HCRTR2: variants seen among roughly 807,000 people sequenced by gnomAD.
HCRTR2 encodes hypocretin receptor 2, also known as orexin receptor type 2.
A neutral mutation model predicts 49.0 loss-of-function variants in HCRTR2; 22 were observed. That is an observed-to-expected ratio of 0.45 (90% CI 0.32 to 0.64). The LOEUF is 0.64. Ranked by LOEUF, HCRTR2 falls within the 30% of genes least tolerant of loss-of-function variation. The pLI, the probability that HCRTR2 is intolerant of heterozygous loss-of-function variation, is 0.04. For synonymous variants in HCRTR2, 236 were observed against 205.3 expected, an observed-to-expected ratio of 1.15 and a Z score of -1.28; for missense variants, 491 against 559.4, an observed-to-expected ratio of 0.88 and a Z score of 1.23.
At chr6:55,114,474 G>A (rs1764090701) in intron 1 of HCRTR2, among the ~76,000 whole-genome samples, 1 of 151,572 alleles carries the variant, frequency 6.6e-6, no homozygotes, top group African/African-American at 2.4e-5. Flanking sequence ...CTGTTTCCCT[G>A]AGCTGAGTAC....
At chr6:55,263,300 G>C (rs957528921) in intron 3 of HCRTR2, among the ~76,000 whole-genome samples, 23 of 151,922 alleles carry the variant, frequency 1.5e-4, no homozygotes, top group African/African-American at 5.3e-4. Flanking sequence ...TTTAACCAAA[G>C]CATTAGTTTT....
At chr6:55,196,034 T>G (rs185893912) in intron 1 of HCRTR2, among the ~76,000 whole-genome samples, 179 of 152,260 alleles carry the variant, frequency 1.2e-3, no homozygotes, top group African/African-American at 4.2e-3. Context: ...TTAAAATAAA[T>G]TATTTTTAAA....
chr6:55,224,294 A>C (rs1437855916), intron 1 of HCRTR2, among the ~76,000 whole-genome samples: 1 of 152,162 alleles, frequency 6.6e-6, no homozygotes, highest in Non-Finnish European at 1.5e-5. Flanking sequence ...AAGATATAGA[A>C]TCAATCTAAG....
intron 1 of HCRTR2, among the ~76,000 whole-genome samples, chr6:55,156,923 A>G (rs1176833247): frequency 6.6e-6 from 1 of 152,180 alleles, no homozygotes; most frequent in Non-Finnish European, 1.5e-5. Context: ...AACCACAGCT[A>G]ACATCATATT....
At chr6:55,173,785 A>C (rs1259590157), upstream of HCRTR2, among the ~76,000 whole-genome samples, 1 of 152,228 alleles carries the variant, frequency 6.6e-6, no homozygotes, top group Non-Finnish European at 1.5e-5. Flanking sequence ...ATTCCAGCTA[A>C]ATAGACCCTT....
chr6:55,190,874 T>A (rs1349798596), intron 1 of HCRTR2, among the ~76,000 whole-genome samples: 1 of 152,176 alleles, frequency 6.6e-6, no homozygotes, highest in East Asian at 1.9e-4. Flanking sequence ...ACACTTTAAA[T>A]AGAGCCTCAG....
chr6:55,162,187 G>GA (rs1764816075), intron 1 of HCRTR2, among the ~76,000 whole-genome samples: 1 of 152,214 alleles, frequency 6.6e-6, no homozygotes, highest in African/African-American at 2.4e-5. Context: ...TTCAACATAC[G>GA]AAAATCAATA....
chr6:55,269,015 G>C (rs904933710), intron 4 of HCRTR2, among the ~76,000 whole-genome samples: 3 of 150,966 alleles, frequency 2.0e-5, no homozygotes, highest in Non-Finnish European at 4.4e-5. Context: ...GCGTGAACCC[G>C]GGGGGTGGAG....
chr6:55,188,503 A>G (rs1199746645), intron 1 of HCRTR2, among the ~76,000 whole-genome samples: 1 of 152,256 alleles, frequency 6.6e-6, no homozygotes, highest in Non-Finnish European at 1.5e-5. Flanking sequence ...ATAGAGCACC[A>G]GAGGGCTAAA....
intron 4 of HCRTR2, among the ~76,000 whole-genome samples, chr6:55,268,909 T>C (rs1366667389): frequency 6.6e-6 from 1 of 151,306 alleles, no homozygotes; most frequent in African/African-American, 2.4e-5. Context: ...GCTAACATGG[T>C]GAAACCTCGT....
intron 1 of HCRTR2, among the ~76,000 whole-genome samples, chr6:55,164,614 G>A (rs1189472115): frequency 6.6e-6 from 1 of 152,048 alleles, no homozygotes; most frequent in Admixed American, 6.6e-5. Flanking sequence ...TCACACACCA[G>A]GGCCTGTCAG....
At chr6:55,160,238 T>C (rs1159387650) in intron 1 of HCRTR2, among the ~76,000 whole-genome samples, 1 of 152,262 alleles carries the variant, frequency 6.6e-6, no homozygotes, top group Non-Finnish European at 1.5e-5. Flanking sequence ...AGCCAAACTA[T>C]GCTTCATAGT....
At chr6:55,144,078 C>T (rs1764545054) in intron 1 of HCRTR2, among the ~76,000 whole-genome samples, 1 of 146,586 alleles carries the variant, frequency 6.8e-6, no homozygotes, top group Non-Finnish European at 1.5e-5. Context: ...CAGTGTGTGA[C>T]GCCATTCTTT....
intron 1 of HCRTR2, among the ~76,000 whole-genome samples, chr6:55,151,806 A>T (rs927986877): frequency 2.6e-4 from 40 of 151,858 alleles, no homozygotes; most frequent in African/African-American, 9.4e-4. Context: ...AAAAAAAAAC[A>T]CTTAAAAATC....
rs1200274635 is a variant in HCRTR2 at position 55,263,704 on chromosome 6, T to C, written c.647-3T>C. Reference sequence around the variant, plus strand: ...GGTTTTGTTGTTTTGACTTTCATCCTAGGTGAAATTTATCCCAAGATGTAC... The same window carrying C: ...GGTTTTGTTGTTTTGACTTTCATCCCAGGTGAAATTTATCCCAAGATGTAC... On this transcript the variant is annotated splice_polypyrimidine_tract_variant and splice_region_variant and intron_variant, in intron 3 of 6. Coordinates refer to ENST00000370862, the MANE Select transcript of HCRTR2 (RefSeq NM_001384272.1). 1.3e-6 allele frequency: 2 copies of C among 1,541,132 alleles called. No individual in the cohort carries two copies. Among genetic ancestry groups the C allele is most frequent in the Non-Finnish European group, 1.8e-6 (2 of 1,114,672 alleles).
chr6:55,249,133 G>T (rs1014495893), intron 2 of HCRTR2, among the ~76,000 whole-genome samples: 1 of 151,994 alleles, frequency 6.6e-6, no homozygotes. Context: ...GTTTGATTTT[G>T]CGCAAACTTT....
chr6:55,200,173 T>C (rs1765485666), intron 1 of HCRTR2, among the ~76,000 whole-genome samples: 1 of 152,126 alleles, frequency 6.6e-6, no homozygotes, highest in Admixed American at 6.6e-5. Context: ...TAATTTATCT[T>C]TCCTTAAAAT....
At chr6:55,264,420 A>G (rs1766825633) in intron 4 of HCRTR2, among the ~76,000 whole-genome samples, 1 of 152,122 alleles carries the variant, frequency 6.6e-6, no homozygotes, top group South Asian at 2.1e-4. Context: ...TCACTCAGTT[A>G]TTCATTCCTG....
chr6:55,196,065 T>C (rs1408492500), intron 1 of HCRTR2, among the ~76,000 whole-genome samples: 1 of 152,168 alleles, frequency 6.6e-6, no homozygotes, highest in Non-Finnish European at 1.5e-5. Flanking sequence ...ATATCAGTAA[T>C]TTAAATTTTT....
Sources: allele counts gnomAD v4.1 joint callset (sites outside exome capture counted in the v4.1 genomes callset), GRCh38; gene constraint gnomAD v4.1.1; transcripts MANE v1.5; gene names NCBI Gene and HGNC (gene_info 2026-07-23, HGNC 2026-07-21).